The following DNA2 variants were observed in gnomAD, a reference collection of about 807,000 sequenced individuals.
DNA2 encodes DNA replication helicase/nuclease 2, also known as DNA replication ATP-dependent helicase/nuclease DNA2.
DNA2 carries 101 observed loss-of-function variants against 119.1 expected under a neutral mutation model. The ratio of observed to expected loss-of-function variants is 0.85; its 90% CI spans 0.72 to 1.00. The LOEUF is 1.00. DNA2 is among the 50% of genes least tolerant of loss of function. DNA2 has a pLI of 0.00. For missense variants in DNA2, 1,121 were observed against 1,255.5 expected, an observed-to-expected ratio of 0.89 and a Z score of 1.62; for synonymous variants, 366 against 424.4, an observed-to-expected ratio of 0.86 and a Z score of 1.69.
chr10:68,441,789 G>A (rs2051971839), intron 9 of DNA2, among the ~76,000 whole-genome samples: 1 of 151,882 alleles, frequency 6.6e-6, no homozygotes, highest in South Asian at 2.1e-4. Context: ...AGAAAAAAGC[G>A]AGTATTTAAA....
chr10:68,432,552 G>T, intron 10 of DNA2, 42 bp from the exon 11 acceptor site: 2 of 1,096,690 alleles, frequency 1.8e-6, no homozygotes, highest in Non-Finnish European at 2.7e-6. Context: ...TCGCCATTTC[G>T]CATAGTCTGT....
At chr10:68,422,998 A>G in intron 14 of DNA2, 108 bp from the exon 15 acceptor site, 1 of 743,914 alleles carries the variant, frequency 1.3e-6, no homozygotes, top group African/African-American at 1.8e-5. Context: ...CTATGGCATC[A>G]GGAATCCTTC....
intron 20 of DNA2, among the ~76,000 whole-genome samples, chr10:68,416,359 G>A (rs1424263527): frequency 6.6e-6 from 1 of 152,180 alleles, no homozygotes; most frequent in Non-Finnish European, 1.5e-5. Flanking sequence ...CCAGCTACTG[G>A]GGAGGCTGAG....
intron 5 of DNA2, among the ~76,000 whole-genome samples, chr10:68,456,537 C>T (rs1034904017): frequency 8.5e-5 from 13 of 152,092 alleles, no homozygotes; most frequent in Non-Finnish European, 1.5e-4. Context: ...CCTCAGCCTC[C>T]CGAGTAGCTG....
At chr10:68,423,051 A>AT (rs1227737607) in intron 14 of DNA2, among the ~76,000 whole-genome samples, 161 bp from the exon 15 acceptor site, 1 of 152,158 alleles carries the variant, frequency 6.6e-6, no homozygotes, top group Non-Finnish European at 1.5e-5. Context: ...GCAAATTTTA[A>AT]TTTTTTTCTA....
intron 13 of DNA2, among the ~76,000 whole-genome samples, chr10:68,431,477 G>A (rs1286116089): frequency 6.6e-6 from 1 of 151,906 alleles, no homozygotes; most frequent in Non-Finnish European, 1.5e-5. Context: ...TAGAGAGGGG[G>A]TTTCACCATG....
At chr10:68,423,242 TA>T (rs34670296) in intron 14 of DNA2, among the ~76,000 whole-genome samples, 10,641 of 151,644 alleles carry the variant, frequency 0.07, 558 homozygotes, top group African/African-American at 0.15. Flanking sequence ...TACTTTTCCT[TA>T]TTCTTTCCAC....
Position 68,414,275 on chromosome 10 carries a change from T to A in DNA2, c.*764A>T, listed in dbSNP as rs2051560779. ...GTTACTTTTTATATATATAATATAA[T>A]CACTTTGAGACAATTTTGTTTTACA... is the stretch of plus-strand genomic sequence containing the variant. On this transcript the variant is annotated 3_prime_UTR_variant, in exon 21 of 21. Transcript: ENST00000358410. 6.6e-6 allele frequency: 1 copy of A among 151,926 alleles called. No individual in the cohort carries two copies. The highest frequency in any genetic ancestry group is 1.5e-5 in the Non-Finnish European group (1 of 68,012). 9.4% of individuals were successfully genotyped at this position (151,926 alleles called of 1,614,324 possible). A position where few individuals can be genotyped will look rare whatever the true frequency, so the allele number is the denominator to read the frequency against.
intron 14 of DNA2, 88 bp from the exon 15 acceptor site, chr10:68,422,978 G>T: frequency 3.0e-6 from 3 of 1,007,576 alleles, no homozygotes; most frequent in East Asian, 2.6e-5. Flanking sequence ...AAGATCAAAA[G>T]GTTTTTGTTC....
intron 3 of DNA2, among the ~76,000 whole-genome samples, chr10:68,467,175 G>A (rs1477423694): frequency 6.6e-6 from 1 of 151,934 alleles, no homozygotes; most frequent in Non-Finnish European, 1.5e-5. Flanking sequence ...GTGCAGTGGT[G>A]GGATCTCAGC....
chr10:68,469,176 G>C (rs77881755), intron 2 of DNA2, among the ~76,000 whole-genome samples: 2 of 151,946 alleles, frequency 1.3e-5, no homozygotes, highest in Admixed American at 1.3e-4. Context: ...GAAATCTAAG[G>C]CCTAAGAATG....
Position 68,422,396 on chromosome 10 carries a change from A to G in DNA2, c.2526T>C (p.Tyr842=), listed in dbSNP as rs2051677631. The G allele has an allele frequency of 1.2e-6, 2 of 1,613,896 alleles. No homozygotes were observed. Among genetic ancestry groups the G allele is most frequent in the African/African-American group, 1.3e-5 (1 of 75,050 alleles). ...KIMSLSNKLT[Y]EGKLECGSDK... is the part of the protein sequence containing the mutation. The stretch of plus-strand genomic sequence containing the variant: ...CTGATCCACACTCCAGCTTGCCCTC[A>G]TAGGTCAGCTTATTACTTAAGGACA... The change falls in exon 17 of 21, where the codon TAT becomes TAC. Residue 842 remains tyrosine, a synonymous_variant. Transcript: ENST00000358410.
intron 5 of DNA2, among the ~76,000 whole-genome samples, chr10:68,457,411 C>T (rs1472850910): frequency 6.6e-6 from 1 of 152,172 alleles, no homozygotes; most frequent in African/African-American, 2.4e-5. Flanking sequence ...TAAGCTTCTG[C>T]TCAAATGCTA....
At chr10:68,438,180 C>T (rs1156434708) in intron 9 of DNA2, among the ~76,000 whole-genome samples, 2 of 152,030 alleles carry the variant, frequency 1.3e-5, no homozygotes, top group Non-Finnish European at 2.9e-5. Context: ...ACATATAATA[C>T]CATTACAGAA....
At chr10:68,462,369 A>AAT (rs1311478897) in intron 4 of DNA2, among the ~76,000 whole-genome samples, 1 of 152,220 alleles carries the variant, frequency 6.6e-6, no homozygotes, top group Non-Finnish European at 1.5e-5. Context: ...AGACTGTCTC[A>AAT]ATAACAACCA....
intron 5 of DNA2, among the ~76,000 whole-genome samples, chr10:68,456,765 TGA>T (rs1316450417): frequency 1.3e-5 from 2 of 150,622 alleles, no homozygotes; most frequent in Non-Finnish European, 2.9e-5. Context: ...TTGAAAATAT[TGA>T]GAGAACATTG....
At chr10:68,439,143 T>C (rs1452599586) in intron 9 of DNA2, among the ~76,000 whole-genome samples, 1 of 146,052 alleles carries the variant, frequency 6.8e-6, no homozygotes, top group Non-Finnish European at 1.5e-5. Context: ...ACCTGTAATC[T>C]CAGCACTTTG....
chr10:68,462,308 T>G (rs937742603), intron 4 of DNA2, among the ~76,000 whole-genome samples: 7 of 151,764 alleles, frequency 4.6e-5, no homozygotes, highest in African/African-American at 1.5e-4. Flanking sequence ...GAGGTGGAGG[T>G]TGCAGTGAGC....
intron 5 of DNA2, among the ~76,000 whole-genome samples, chr10:68,456,109 C>A (rs2133425425): frequency 6.6e-6 from 1 of 152,100 alleles, no homozygotes; most frequent in South Asian, 2.1e-4. Context: ...GTAGTCCCAG[C>A]TACTCAGAAG....
Sources: allele counts gnomAD v4.1 joint callset (sites outside exome capture counted in the v4.1 genomes callset), GRCh38; gene constraint gnomAD v4.1.1; transcripts MANE v1.5; gene names NCBI Gene and HGNC (gene_info 2026-07-23, HGNC 2026-07-21).